DMD: variants seen among roughly 807,000 people sequenced by gnomAD.
DMD encodes the protein mutant dystrophin.
In DMD, 63 loss-of-function variants were observed where a neutral mutation model predicts 330.1. The observed-to-expected ratio is 0.19, with a 90% CI of 0.16 to 0.24. The LOEUF is 0.24. Ranked by LOEUF, DMD falls within the 10% of genes least tolerant of loss-of-function variation. DMD has a pLI of 1.00. For synonymous variants in DMD, 1,223 were observed against 959.8 expected, an observed-to-expected ratio of 1.27 and a Z score of -5.07; for missense variants, 3,344 against 2,684.1, an observed-to-expected ratio of 1.25 and a Z score of -5.43.
chrX:32,258,080 T>A (rs1167120182), intron 43 of DMD, among the ~76,000 whole-genome samples: 1 of 111,574 alleles, frequency 9.0e-6, no homozygotes, highest in Non-Finnish European at 1.9e-5. Context: ...TTATCACTGG[T>A]CATTAGAGGA....
intron 41 of DMD, among the ~76,000 whole-genome samples, chrX:32,325,172 A>C (rs957636973): frequency 1.8e-5 from 2 of 111,483 alleles, no homozygotes; most frequent in African/African-American, 6.5e-5. Flanking sequence ...GAGATATCTA[A>C]GACTAAACTA....
intron 60 of DMD, among the ~76,000 whole-genome samples, chrX:31,413,697 G>A (rs1275378952): frequency 1.8e-5 from 2 of 111,321 alleles, no homozygotes; most frequent in Non-Finnish European, 3.8e-5. Context: ...TTCCTCCTTG[G>A]GCATGGTTAT....
At chrX:32,980,675 T>C (rs907798022) in intron 2 of DMD, among the ~76,000 whole-genome samples, 8 of 111,319 alleles carry the variant, frequency 7.2e-5, no homozygotes, top group Non-Finnish European at 1.3e-4. Context: ...CATAATATTT[T>C]TCATTTCATT....
intron 59 of DMD, among the ~76,000 whole-genome samples, chrX:31,462,898 G>A (rs2066623946): frequency 8.9e-6 from 1 of 111,800 alleles, no homozygotes; most frequent in Admixed American, 9.5e-5. Context: ...AGAAGTTGAT[G>A]GAAAAAGATA....
At chrX:31,431,193 T>C (rs1202184910) in intron 60 of DMD, among the ~76,000 whole-genome samples, 1 of 111,090 alleles carries the variant, frequency 9.0e-6, no homozygotes, top group East Asian at 2.8e-4. Flanking sequence ...TATTAAAAGG[T>C]AGTTCAGTCG....
intron 29 of DMD, among the ~76,000 whole-genome samples, chrX:32,427,525 G>A (rs2148079841): frequency 9.0e-6 from 1 of 110,828 alleles, no homozygotes; most frequent in South Asian, 3.8e-4. Context: ...CTTGGATCCA[G>A]TTGGCCAATA....
intron 1 of DMD, among the ~76,000 whole-genome samples, chrX:33,335,494 G>T (rs1183985625): frequency 1.8e-5 from 2 of 110,537 alleles, no homozygotes; most frequent in African/African-American, 3.3e-5. Context: ...GTACTTGCCA[G>T]ATTGATTTTA....
intron 59 of DMD, among the ~76,000 whole-genome samples, chrX:31,448,985 C>G (rs1329603303): frequency 8.9e-6 from 1 of 112,230 alleles, no homozygotes; most frequent in African/African-American, 3.2e-5. Context: ...TAGTCATCTA[C>G]TACTTTTCTA....
chrX:31,638,283 C>A (rs1398945943), intron 54 of DMD, among the ~76,000 whole-genome samples: 1 of 111,468 alleles, frequency 9.0e-6, no homozygotes, highest in African/African-American at 3.3e-5. Context: ...GTCCAGACAC[C>A]CATTTGGCTT....
intron 60 of DMD, among the ~76,000 whole-genome samples, chrX:31,433,190 C>G (rs1309300498): frequency 8.9e-6 from 1 of 111,957 alleles, no homozygotes; most frequent in Non-Finnish European, 1.9e-5. Context: ...AGGATAATGA[C>G]CTCCAGTTCC....
At chrX:32,904,267 CCATTT>C (rs1190341780) in intron 2 of DMD, among the ~76,000 whole-genome samples, 1 of 111,211 alleles carries the variant, frequency 9.0e-6, no homozygotes, top group Non-Finnish European at 1.9e-5. Context: ...TGTAATGCAC[CCATTT>C]AACCAGTATC....
chrX:32,219,845 G>T (rs6631518), intron 43 of DMD, among the ~76,000 whole-genome samples: 16,551 of 111,432 alleles, frequency 0.15, 1,286 homozygotes, highest in East Asian at 0.46. Context: ...CAAACCTGTT[G>T]CACAGACTTG....
Position 32,389,611 on chromosome X carries a change from G to A in DMD, c.4408C>T (p.Arg1470Cys). ...LFQKPANFEQ[R>C]LQESKMILDE... The stretch of plus-strand genomic sequence containing the variant: ...AAAATCATCTTACTTTCTTGTAGAC[G>A]CTGCTCAAAATTGGCTGGTTTCTGG... Residue 1470 changes from arginine to cysteine, a missense_variant, in exon 32 of 79, where the codon CGT becomes TGT. Coordinates refer to ENST00000357033, the MANE Select transcript of DMD (RefSeq NM_004006.3). The A allele has an allele frequency of 8.3e-7, 1 of 1,210,269 alleles. No homozygotes were observed. Among genetic ancestry groups the A allele is most frequent in the Non-Finnish European group, 1.1e-6 (1 of 894,662 alleles).
chrX:31,399,533 C>T (rs1002876152), intron 60 of DMD, among the ~76,000 whole-genome samples: 5 of 110,566 alleles, frequency 4.5e-5, no homozygotes, highest in African/African-American at 1.3e-4. Context: ...TGGTTCCAGG[C>T]TTTTTGGCTT....
chrX:32,751,444 A>G (rs1017126547), intron 7 of DMD, among the ~76,000 whole-genome samples: 3 of 111,480 alleles, frequency 2.7e-5, no homozygotes, highest in Admixed American at 9.5e-5. Context: ...TGAGCTTGAG[A>G]GGGGTGATTT....
intron 12 of DMD, among the ~76,000 whole-genome samples, chrX:32,608,515 G>A (rs1161231783): frequency 2.7e-5 from 3 of 110,479 alleles, no homozygotes; most frequent in Non-Finnish European, 3.8e-5. Flanking sequence ...AGAGATTGAA[G>A]ACACCAGAGA....
chrX:31,870,839 A>T (rs1478117299), intron 48 of DMD, among the ~76,000 whole-genome samples: 1 of 109,667 alleles, frequency 9.1e-6, no homozygotes, highest in Non-Finnish European at 1.9e-5. Context: ...GGAGGAAAAA[A>T]CCCCCTCCCT....
In DMD at chrX:32,518,118, T is replaced by A; in HGVS notation, c.2182A>T (p.Ile728Leu). Residue 728 changes from isoleucine to leucine, a missense_variant, in exon 18 of 79, where the codon ATA (isoleucine) becomes TTA (leucine). Transcript: ENST00000357033. ...SEIRKRLDVD[I>L]TELHSWITRS... ...GTAATCCAGCTGTGAAGTTCAGTTA[T>A]ATCAACATCCAACCTAAGACAGCAA... 8.3e-7 allele frequency: 1 copy of A among 1,209,942 alleles called. No individual in the cohort carries two copies. Among genetic ancestry groups the A allele is most frequent in the East Asian group, 3.0e-5 (1 of 33,830 alleles).
intron 44 of DMD, among the ~76,000 whole-genome samples, chrX:31,995,623 G>T (rs772613043): frequency 1.8e-5 from 2 of 111,552 alleles, no homozygotes; most frequent in Non-Finnish European, 3.8e-5. Context: ...AAGCAAGGGA[G>T]AAATAATAGG....
Sources: allele counts gnomAD v4.1 joint callset (sites outside exome capture counted in the v4.1 genomes callset), GRCh38; gene constraint gnomAD v4.1.1; transcripts MANE v1.5; gene names NCBI Gene and HGNC (gene_info 2026-07-23, HGNC 2026-07-21).